The following DUS2 variants were observed in gnomAD, a reference collection of about 807,000 sequenced individuals.
DUS2 encodes the protein tRNA-dihydrouridine(20) synthase [NAD(P)+]-like.
DUS2 carries 52 observed loss-of-function variants against 71.3 expected under a neutral mutation model. The ratio of observed to expected loss-of-function variants is 0.73; its 90% CI spans 0.58 to 0.92. The LOEUF (loss-of-function observed/expected upper bound fraction) is 0.92, where lower values mean the gene tolerates loss of function less well. Among genes scored for constraint, DUS2 ranks in the 40% least tolerant of loss-of-function variants. The pLI, the probability that DUS2 is intolerant of heterozygous loss-of-function variation, is 0.00. For synonymous variants in DUS2, 204 were observed against 227.8 expected (o/e 0.90, Z 0.94); for missense variants, 558 against 622.6 (o/e 0.90, Z 1.10).
intron 1 of DUS2, among the ~76,000 whole-genome samples, chr16:68,025,103 T>G (rs2033327481): frequency 6.6e-6 from 1 of 152,138 alleles, no homozygotes; most frequent in South Asian, 2.1e-4. Context: ...GTGCTGAGAT[T>G]ACAGGTGTGA....
intron 14 of DUS2, 66 bp downstream of exon 14, chr16:68,075,570 A>G (rs1310107031): frequency 2.7e-6 from 4 of 1,482,152 alleles, no homozygotes; most frequent in Non-Finnish European, 3.6e-6. Context: ...CTGGGCCAGC[A>G]CACTGGCTGC....
rs1318280809 is a variant in DUS2, at chr16:68,057,049, T to C, written c.369+625T>C. On this transcript the variant is annotated intron_variant, in intron 7 of 16. Transcript: ENST00000565263. ...CATATAAATATATGTAATATATATT[T>C]ATATATATATGTAATATATATGTTA... is the stretch of plus-strand genomic sequence containing the variant. 3.1e-5 allele frequency among the ~76,000 whole-genome samples: 4 copies of C among 129,250 alleles called. No homozygotes were observed. The East Asian group carries it at 8.2e-4, about 27-fold the overall frequency. 84.8% of individuals were successfully genotyped at this position (129,250 alleles called of 152,430 possible).
Position 68,078,900 on chromosome 16 carries a change from C to T in DUS2, c.1396C>T (p.Gln466Ter), listed in dbSNP as rs2151428181. The change falls in exon 17 of 17, where the codon CAG becomes TAG. Residue 466 changes from glutamine (Q) to a stop codon, truncating the protein, a stop_gained. Transcript: ENST00000565263. LOFTEE classifies it high-confidence loss of function. The part of the protein sequence containing the change: ...PDQDPGGPRA[Q>*]ELAQPGDLCK... ...CCAAGACCCTGGGGGCCCCAGAGCT[C>T]AGGAGCTAGCACAACCTGGGGATCT... 3.7e-6 allele frequency: 6 copies of T among 1,613,000 alleles called. No homozygotes were observed. The highest frequency in any genetic ancestry group is 2.2e-5 in the East Asian group (1 of 44,846).
At position 68,054,487 on chromosome 16, in the gene DUS2, G is replaced by C. The variant is rs73604364; in HGVS notation, c.265-87G>C. 1,416 of 1,392,926 alleles carry C rather than the reference G, an allele frequency of 1.0e-3. 14 individuals are homozygous for C. In the African/African-American group the frequency reaches 0.018, roughly 17 times the overall value. The allele number at this position is 1,392,926 out of a possible 1,614,324, so 86.3% of individuals were successfully genotyped here. A position where few individuals can be genotyped will look rare whatever the true frequency, so the allele number is the denominator to read the frequency against. On this transcript the variant is annotated intron_variant, in intron 5 of 16. Coordinates refer to ENST00000565263, the MANE Select transcript of DUS2 (RefSeq NM_017803.5). ...TGTTGTTGGTGTGTGGGGTGTGTGTGTGTATGTGTGTGCTGCATGGGTGTG... is the reference window on the plus strand; with the variant it reads ...TGTTGTTGGTGTGTGGGGTGTGTGTCTGTATGTGTGTGCTGCATGGGTGTG...
chr16:68,061,137 AG>A (rs2033934702), intron 8 of DUS2, 24 bp downstream of exon 8: 1 of 1,613,202 alleles, frequency 6.2e-7, no homozygotes, highest in Admixed American at 1.7e-5. Flanking sequence ...GAGTGAAAGC[AG>A]GGGTCCTCAA....
intron 7 of DUS2, 78 bp from the exon 8 acceptor site, chr16:68,060,988 A>C: frequency 7.0e-7 from 1 of 1,433,708 alleles, no homozygotes; most frequent in Non-Finnish European, 9.8e-7. Context: ...GGTGACGCTC[A>C]GTTGCCAGAC....
intron 4 of DUS2, among the ~76,000 whole-genome samples, chr16:68,052,065 A>ATT: frequency 6.8e-6 from 1 of 146,236 alleles, no homozygotes; most frequent in South Asian, 2.2e-4. Flanking sequence ...CACCCAGCTA[A>ATT]TTTTTTTTTT....
intron 8 of DUS2, among the ~76,000 whole-genome samples, chr16:68,062,915 G>A (rs2033959951): frequency 6.6e-6 from 1 of 152,100 alleles, no homozygotes; most frequent in African/African-American, 2.4e-5. Context: ...AGACACTTGT[G>A]TGCAGGGTGG....
At chr16:68,049,438 A>G (rs1311605192) in intron 3 of DUS2, 67 bp from the exon 4 acceptor site, 4 of 1,548,808 alleles carry the variant, frequency 2.6e-6, no homozygotes, top group Non-Finnish European at 2.7e-6. Flanking sequence ...TAGGTGTGTG[A>G]TGAAAATCCT....
chr16:68,048,233 C>A (rs954493508), intron 3 of DUS2, among the ~76,000 whole-genome samples: 3 of 152,218 alleles, frequency 2.0e-5, no homozygotes, highest in African/African-American at 7.2e-5. Flanking sequence ...TACTTGGAAA[C>A]AATGAACTTC....
intron 8 of DUS2, among the ~76,000 whole-genome samples, chr16:68,062,012 G>A (rs1322540147): frequency 2.0e-5 from 3 of 152,064 alleles, no homozygotes; most frequent in Non-Finnish European, 2.9e-5. Flanking sequence ...CCTGTATAAT[G>A]TGCCTTTCTT....
intron 8 of DUS2, 51 bp from the exon 9 acceptor site, chr16:68,066,266 T>C (rs191637303): frequency 1.3e-6 from 2 of 1,550,882 alleles, no homozygotes; most frequent in East Asian, 2.2e-5. Context: ...ACAGGCAGAG[T>C]GATGGTTTGT....
At chr16:68,060,236 T>G (rs1476420812) in intron 7 of DUS2, among the ~76,000 whole-genome samples, 12 of 152,180 alleles carry the variant, frequency 7.9e-5, no homozygotes, top group Non-Finnish European at 1.6e-4. Flanking sequence ...GAGTGGGCAG[T>G]CTTGAAAAAT....
intron 2 of DUS2, 168 bp from the exon 3 acceptor site, chr16:68,037,838 C>T (rs908832448): frequency 1.6e-6 from 1 of 633,210 alleles, no homozygotes. Flanking sequence ...GCCTGGGTGA[C>T]AAAGCAAGAC....
rs2034161067 is a variant in DUS2 at position 68,076,649 on chromosome 16, A to G, written c.1100A>G (p.Gln367Arg). 1.2e-6 allele frequency: 2 copies of G among 1,614,006 alleles called. No homozygotes were observed. The highest frequency in any genetic ancestry group is 1.7e-6 in the Non-Finnish European group (2 of 1,179,902). The change falls in exon 15 of 17, where the codon CAG (glutamine) becomes CGG (arginine). Residue 367 changes from glutamine (Q) to arginine (R), a missense_variant. By Grantham distance (43) the Gln-to-Arg change is conservative. Coordinates refer to ENST00000565263, the MANE Select transcript of DUS2 (RefSeq NM_017803.5). ...VKFDRRAYPAQITPKMCLLEW... is the reference protein window; with the variant it reads ...VKFDRRAYPARITPKMCLLEW... ...TTCCCCAGGAGAGCATACCCAGCCC[A>G]GATCACCCCTAAGATGTGCCTACTA...
At chr16:68,028,068 G>A (rs552587484) in intron 2 of DUS2, among the ~76,000 whole-genome samples, 7 of 152,228 alleles carry the variant, frequency 4.6e-5, no homozygotes, top group East Asian at 1.9e-4. Context: ...TAGGGAAGGC[G>A]TCCAGAAATG....
At chr16:68,072,488 A>G (rs971221043) in intron 12 of DUS2, among the ~76,000 whole-genome samples, 1 of 152,200 alleles carries the variant, frequency 6.6e-6, no homozygotes, top group African/African-American at 2.4e-5. Context: ...CAGCTCCTCA[A>G]GAGGGTGTGC....
intron 5 of DUS2, 108 bp downstream of exon 5, chr16:68,053,763 A>G (rs1181854500): frequency 9.1e-6 from 10 of 1,102,778 alleles, no homozygotes; most frequent in Non-Finnish European, 9.5e-6. Context: ...TACATTGTAC[A>G]ACGATGGCTT....
At chr16:68,056,459 G>T (rs1423253605) in intron 7 of DUS2, 35 bp downstream of exon 7, 9 of 1,558,844 alleles carry the variant, frequency 5.8e-6, no homozygotes, top group Non-Finnish European at 7.1e-6. Context: ...CATAAACATA[G>T]GATGCAGATT....
Sources: gnomAD v4.1 joint callset for allele counts (sites outside exome capture counted in the v4.1 genomes callset) on GRCh38, gnomAD v4.1.1 for gene constraint, MANE v1.5 for transcripts, NCBI Gene and HGNC (gene_info 2026-07-23, HGNC 2026-07-21) for gene names.